The following DNAH14 variants were observed in gnomAD, a reference collection of about 807,000 sequenced individuals.
DNAH14 encodes dynein axonemal heavy chain 14, also known as axonemal beta dynein heavy chain 14.
A neutral mutation model predicts 520.9 loss-of-function variants in DNAH14; 478 were observed. The ratio of observed to expected loss-of-function variants is 0.92; its 90% confidence interval spans 0.85 to 0.99. The LOEUF is 0.99. Among genes scored for constraint, DNAH14 ranks in the 50% least tolerant of loss-of-function variants. DNAH14 has a pLI of 0.00. For synonymous variants in DNAH14, 1,581 were observed against 1,757.2 expected (o/e 0.90, Z 2.51); for missense variants, 4,831 against 5,234.5 (o/e 0.92, Z 2.38).
chr1:225,379,606 C>A (rs949905149), intron 79 of DNAH14, among the ~76,000 whole-genome samples: 2 of 152,030 alleles, frequency 1.3e-5, no homozygotes, highest in Non-Finnish European at 2.9e-5. Context: ...TGGCTCACTG[C>A]AACCTCTGCC....
chr1:225,132,643 T>C (rs113329318), intron 27 of DNAH14, among the ~76,000 whole-genome samples: 5,217 of 152,292 alleles, frequency 0.034, 285 homozygotes, highest in African/African-American at 0.12. Context: ...GTTGATTCCA[T>C]GTCTTTGCTA....
chr1:224,971,738 A>T (rs2061513481), intron 7 of DNAH14, among the ~76,000 whole-genome samples: 1 of 152,182 alleles, frequency 6.6e-6, no homozygotes, highest in South Asian at 2.1e-4. Context: ...GTGAAGCAGG[A>T]ACAAGTTTAG....
chr1:225,067,214 G>A (rs1203211637), intron 17 of DNAH14, among the ~76,000 whole-genome samples: 4 of 152,072 alleles, frequency 2.6e-5, no homozygotes, highest in Admixed American at 2.6e-4. Flanking sequence ...GAGAACATGT[G>A]GTATTTGGTT....
intron 75 of DNAH14, among the ~76,000 whole-genome samples, chr1:225,363,007 G>A (rs2095510292): frequency 6.6e-6 from 1 of 152,008 alleles, no homozygotes; most frequent in African/African-American, 2.4e-5. Context: ...GTTTCATTTT[G>A]TATTGTGTTT....
intron 32 of DNAH14, among the ~76,000 whole-genome samples, 155 bp from the exon 33 acceptor site, chr1:225,152,542 G>A (rs183828198): frequency 6.6e-6 from 1 of 152,272 alleles, no homozygotes; most frequent in East Asian, 1.9e-4. Context: ...AGCTCTGTAA[G>A]ATGAAAGGTA....
chr1:225,268,056 C>A (rs2093183166), intron 49 of DNAH14, among the ~76,000 whole-genome samples: 1 of 152,072 alleles, frequency 6.6e-6, no homozygotes, highest in Non-Finnish European at 1.5e-5. Context: ...AAAGGCTGGC[C>A]ATTCTAGAGA....
chr1:225,023,284 G>A (rs1331795553), intron 10 of DNAH14, among the ~76,000 whole-genome samples: 1 of 148,988 alleles, frequency 6.7e-6, no homozygotes, highest in African/African-American at 2.4e-5. Flanking sequence ...AAAACAAAAC[G>A]AACAAGTAAA....
chr1:225,155,729 C>T (rs2080966103), intron 34 of DNAH14, among the ~76,000 whole-genome samples: 1 of 152,130 alleles, frequency 6.6e-6, no homozygotes, highest in Non-Finnish European at 1.5e-5. Flanking sequence ...ATACAGGAAA[C>T]TGTCTCCTGC....
chr1:225,315,765 G>T (rs1450654532), intron 60 of DNAH14, among the ~76,000 whole-genome samples: 1 of 152,226 alleles, frequency 6.6e-6, no homozygotes, highest in Non-Finnish European at 1.5e-5. Flanking sequence ...ACCAGCGAAG[G>T]CTGCAGAACA....
intron 25 of DNAH14, chr1:225,118,224 A>G: frequency 3.6e-6 from 2 of 559,024 alleles, no homozygotes; most frequent in Non-Finnish European, 3.2e-6. Context: ...TCCTGGGTGC[A>G]TTCTAATTTG....
intron 8 of DNAH14, among the ~76,000 whole-genome samples, chr1:224,992,898 A>G (rs184868616): frequency 6.6e-6 from 1 of 152,132 alleles, no homozygotes; most frequent in East Asian, 1.9e-4. Context: ...TAATTTGTTG[A>G]GGATTTTATC....
intron 8 of DNAH14, among the ~76,000 whole-genome samples, chr1:225,000,149 T>G (rs1350024063): frequency 1.3e-5 from 2 of 152,192 alleles, no homozygotes; most frequent in Admixed American, 1.3e-4. Context: ...TAATTTCCTC[T>G]TCATTCATGA....
At chr1:225,325,425 C>CA (rs2094640318) in intron 64 of DNAH14, among the ~76,000 whole-genome samples, 2 of 150,514 alleles carry the variant, frequency 1.3e-5, no homozygotes, top group Admixed American at 6.6e-5. Flanking sequence ...AAGGAGATTG[C>CA]AGTGTGCCGA....
chr1:225,038,350 T>C (rs1389433683), intron 11 of DNAH14, among the ~76,000 whole-genome samples: 1 of 152,104 alleles, frequency 6.6e-6, no homozygotes, highest in Non-Finnish European at 1.5e-5. Flanking sequence ...TAGTCTTCTT[T>C]AGGTTAAATC....
chr1:225,388,715 A>T (rs1166963486), intron 82 of DNAH14, among the ~76,000 whole-genome samples: 1 of 152,210 alleles, frequency 6.6e-6, no homozygotes, highest in African/African-American at 2.4e-5. Context: ...ACTACAACAT[A>T]GTACATTTCT....
chr1:224,944,879 C>T (rs1571940637), intron 1 of DNAH14, among the ~76,000 whole-genome samples: 1 of 152,234 alleles, frequency 6.6e-6, no homozygotes. Context: ...GTGTGATGGG[C>T]TTCCCTTTGT....
At chr1:224,936,518 T>A (rs953453720) in intron 1 of DNAH14, among the ~76,000 whole-genome samples, 1 of 151,814 alleles carries the variant, frequency 6.6e-6, no homozygotes, top group Admixed American at 6.6e-5. Flanking sequence ...GATTGAACCA[T>A]GAAGAAACAG....
At chr1:224,947,691 A>G (rs1488988908) in intron 1 of DNAH14, among the ~76,000 whole-genome samples, 1 of 152,070 alleles carries the variant, frequency 6.6e-6, no homozygotes, top group Non-Finnish European at 1.5e-5. Flanking sequence ...TTATGGCTGT[A>G]TATTTACGTA....
intron 1 of DNAH14, among the ~76,000 whole-genome samples, chr1:224,950,822 T>C (rs993373271): frequency 5.9e-5 from 9 of 152,218 alleles, no homozygotes; most frequent in Non-Finnish European, 1.3e-4. Context: ...TTAAGTGAGA[T>C]GTTATCTTCC....
Sources: gnomAD v4.1 joint callset for allele counts (sites outside exome capture counted in the v4.1 genomes callset) on GRCh38, gnomAD v4.1.1 for gene constraint, MANE v1.5 for transcripts, NCBI Gene and HGNC (gene_info 2026-07-23, HGNC 2026-07-21) for gene names.